The following FABP12 variants were observed in gnomAD, a reference collection of about 807,000 sequenced individuals.
The protein encoded by FABP12 is fatty acid-binding protein 12.
In FABP12, 19 loss-of-function variants were observed where a neutral mutation model predicts 13.7. The observed-to-expected ratio is 1.39, with a 90% confidence interval of 0.97 to 2.04. FABP12 has a LOEUF of 2.04. Among genes scored for constraint, FABP12 ranks in the 30% most tolerant of loss-of-function variants. FABP12 has a pLI of 0.00. For synonymous variants in FABP12, 61 were observed against 57.0 expected (o/e 1.07, Z -0.32); for missense variants, 182 against 164.2 (o/e 1.11, Z -0.59).
chr8:81,581,468 T>C (rs1810162386), intron 1 of FABP12, among the ~76,000 whole-genome samples: 1 of 152,214 alleles, frequency 6.6e-6, no homozygotes, highest in South Asian at 2.1e-4. Flanking sequence ...TAAGGGAATG[T>C]AACATTTCTA....
At chr8:81,541,304 A>T (rs991012822) in intron 1 of FABP12, among the ~76,000 whole-genome samples, 1 of 152,210 alleles carries the variant, frequency 6.6e-6, no homozygotes, top group African/African-American at 2.4e-5. Context: ...CTGAATCAAA[A>T]ACATGCATTT....
intron 1 of FABP12, among the ~76,000 whole-genome samples, chr8:81,578,991 G>A (rs1326221723): frequency 6.6e-6 from 1 of 151,202 alleles, no homozygotes; most frequent in African/African-American, 2.4e-5. Context: ...ACCACACCCA[G>A]CTAATTTTTT....
intron 1 of FABP12, among the ~76,000 whole-genome samples, chr8:81,558,417 C>T (rs1162992702): frequency 1.3e-5 from 2 of 152,148 alleles, no homozygotes; most frequent in Non-Finnish European, 2.9e-5. Flanking sequence ...AGTCTGTACT[C>T]GCAGGAGCCC....
At chr8:81,549,029 T>G (rs1310047104) in intron 1 of FABP12, among the ~76,000 whole-genome samples, 1 of 152,170 alleles carries the variant, frequency 6.6e-6, no homozygotes, top group East Asian at 1.9e-4. Context: ...CAGTTGAGGA[T>G]CTTGATACAA....
At chr8:81,577,112 C>T (rs540986452) in intron 1 of FABP12, among the ~76,000 whole-genome samples, 1 of 152,158 alleles carries the variant, frequency 6.6e-6, no homozygotes, top group East Asian at 1.9e-4. Context: ...TAAATAAATA[C>T]TATAGTAAAT....
chr8:81,547,221 G>C (rs1175202356), intron 1 of FABP12, among the ~76,000 whole-genome samples: 1 of 152,196 alleles, frequency 6.6e-6, no homozygotes, highest in African/African-American at 2.4e-5. Context: ...TCACCAAACT[G>C]TGTGTTTGTG....
At chr8:81,573,232 T>C (rs1053140397) in intron 1 of FABP12, among the ~76,000 whole-genome samples, 14 of 152,180 alleles carry the variant, frequency 9.2e-5, no homozygotes, top group African/African-American at 2.9e-4. Context: ...ATGCTTTTGT[T>C]TGCTTTGTCA....
At chr8:81,574,529 A>T (rs1222649706) in intron 1 of FABP12, among the ~76,000 whole-genome samples, 1 of 152,112 alleles carries the variant, frequency 6.6e-6, no homozygotes, top group Non-Finnish European at 1.5e-5. Context: ...TAGGATCGGT[A>T]CCAATTCTTC....
intron 1 of FABP12, chr8:81,533,368 A>T (rs1469138089): frequency 6.6e-6 from 1 of 152,192 alleles, no homozygotes; most frequent in Admixed American, 6.5e-5. Context: ...GCCCACTCCT[A>T]TAGGTTCACA....
intron 1 of FABP12, among the ~76,000 whole-genome samples, chr8:81,576,909 T>C (rs993971267): frequency 2.0e-5 from 3 of 152,190 alleles, no homozygotes; most frequent in African/African-American, 7.2e-5. Context: ...ATTAAATGAT[T>C]CCATCTAAAA....
intron 1 of FABP12, among the ~76,000 whole-genome samples, chr8:81,582,873 A>G (rs530905752): frequency 6.6e-6 from 1 of 152,224 alleles, no homozygotes; most frequent in Non-Finnish European, 1.5e-5. Flanking sequence ...AGACATTGAC[A>G]GAACATTTCA....
chr8:81,576,481 A>G lies in FABP12; in HGVS notation c.-185+13572T>C, dbSNP rs138433268. On this transcript the variant is annotated intron_variant, in intron 1 of 5. Coordinates refer to the FABP12 transcript ENST00000692030. ...TTGAGTATGTTTCCAGAGGTGTTCT[A>G]TGTTATATATAACACAAACACACAC... Among the ~76,000 whole-genome samples, 240 of 152,106 alleles carry G rather than the reference A, an allele frequency of 1.6e-3. 1 individual carries two copies. Among genetic ancestry groups the G allele is most frequent in the African/African-American group, 5.3e-3 (219 of 41,492 alleles).
intron 1 of FABP12, among the ~76,000 whole-genome samples, chr8:81,572,132 A>C (rs1809944658): frequency 6.9e-6 from 1 of 145,050 alleles, no homozygotes; most frequent in African/African-American, 2.6e-5. Flanking sequence ...CCAAGTCCCC[A>C]AAGTCCATTG....
Position 81,569,052 on chromosome 8 carries a change from G to A in FABP12, c.-185+21001C>T, listed in dbSNP as rs776188036. Among the ~76,000 whole-genome samples the A allele has an allele frequency of 2.0e-5, 3 of 151,900 alleles. No homozygotes were observed. The East Asian group carries it at 5.8e-4, about 29-fold the overall frequency. The stretch of plus-strand genomic sequence containing the variant: ...AATGAATAAGATCTATCACAACAGG[G>A]TAACTACAGTGAACAATCATTTATT... On this transcript the variant is annotated intron_variant, in intron 1 of 5. Coordinates refer to the FABP12 transcript ENST00000692030.
At chr8:81,581,303 C>T (rs1161161610) in intron 1 of FABP12, among the ~76,000 whole-genome samples, 1 of 152,138 alleles carries the variant, frequency 6.6e-6, no homozygotes, top group Non-Finnish European at 1.5e-5. Flanking sequence ...TGTCTCTTTC[C>T]TAATATTTTT....
At chr8:81,553,047 G>T (rs1449735319) in intron 1 of FABP12, among the ~76,000 whole-genome samples, 1 of 152,120 alleles carries the variant, frequency 6.6e-6, no homozygotes, top group Non-Finnish European at 1.5e-5. Flanking sequence ...TTTTATCAAT[G>T]GAACATTTAA....
At chr8:81,539,433 CTTTTTTTTTT>C (rs35386904) in intron 2 of FABP12, among the ~76,000 whole-genome samples, 16 of 50,032 alleles carry the variant, frequency 3.2e-4, no homozygotes, top group South Asian at 1.4e-3. Context: ...TTCTTTAGTT[CTTTTTTTTTT>C]TTTTTTTTTT....
chr8:81,578,732 C>G (rs191583908), intron 1 of FABP12, among the ~76,000 whole-genome samples: 1,849 of 147,254 alleles, frequency 0.013, 42 homozygotes, highest in African/African-American at 0.046. Flanking sequence ...GATCCGTCCA[C>G]CTCGGCCTCC....
chr8:81,550,650 T>TA (rs1405042673), intron 1 of FABP12, among the ~76,000 whole-genome samples: 1 of 152,134 alleles, frequency 6.6e-6, no homozygotes, highest in South Asian at 2.1e-4. Flanking sequence ...AGGAATTTTT[T>TA]AAAAATCACA....
Sources: gnomAD v4.1 joint callset for allele counts (sites outside exome capture counted in the v4.1 genomes callset) on GRCh38, gnomAD v4.1.1 for gene constraint, MANE v1.5 for transcripts, NCBI Gene and HGNC (gene_info 2026-07-23, HGNC 2026-07-21) for gene names.